STARD6: variants seen among roughly 807,000 people sequenced by gnomAD.
STARD6 encodes stAR-related lipid transfer protein 6.
A neutral mutation model predicts 22.3 loss-of-function variants in STARD6; 21 were observed. The observed-to-expected ratio is 0.94, with a 90% confidence interval of 0.67 to 1.35. The LOEUF (loss-of-function observed/expected upper bound fraction) is 1.35. Among genes scored for constraint, STARD6 ranks in the 40% most tolerant of loss-of-function variants. The pLI is 0.00. For missense variants in STARD6, 269 were observed against 266.9 expected, an observed-to-expected ratio of 1.01 and a Z score of -0.05; for synonymous variants, 80 against 88.1, an observed-to-expected ratio of 0.91 and a Z score of 0.52.
intron 4 of STARD6, among the ~76,000 whole-genome samples, chr18:54,345,762 T>A (rs1019080074): frequency 6.6e-6 from 1 of 152,120 alleles, no homozygotes; most frequent in African/African-American, 2.4e-5. Context: ...TAATTAAGCA[T>A]CCAAAGGAAA....
At chr18:54,337,733 T>G (rs980991606) in intron 4 of STARD6, among the ~76,000 whole-genome samples, 3 of 152,212 alleles carry the variant, frequency 2.0e-5, no homozygotes, top group African/African-American at 7.2e-5. Context: ...ACTGAAAAAC[T>G]TTGCCAACCC....
At chr18:54,346,937 A>C (rs190044433) in intron 4 of STARD6, among the ~76,000 whole-genome samples, 4 of 152,188 alleles carry the variant, frequency 2.6e-5, no homozygotes, top group African/African-American at 9.6e-5. Context: ...AGTAGGCACA[A>C]GTTTCTTTTT....
chr18:54,325,341 T>G (rs1412605491), intron 7 of STARD6, among the ~76,000 whole-genome samples: 3 of 152,154 alleles, frequency 2.0e-5, no homozygotes, highest in Non-Finnish European at 2.9e-5. Flanking sequence ...GAGATATTTT[T>G]CTGCAACTAG....
Position 54,331,839 on chromosome 18 carries a change from G to A in STARD6, c.288C>T (p.Thr96=). ...RIDSDTFICH[T]ITQSFAVGSI... ...AGCCCACGGCAAAACTTTGTGTAAT[G>A]GTATGACATATGAATGTGTCCTGCA... Residue 96 remains threonine (T), a synonymous_variant, in exon 6 of 8, where the codon ACC becomes ACT. Transcript: ENST00000307844. 1 of 1,610,762 alleles carries A rather than the reference G, an allele frequency of 6.2e-7. No homozygotes were observed. Among genetic ancestry groups the A allele is most frequent in the Non-Finnish European group, 8.5e-7 (1 of 1,177,472 alleles).
Position 54,329,389 on chromosome 18 carries a change from C to T in STARD6, c.437G>A (p.Gly146Asp). 1 of 1,605,502 alleles carries T rather than the reference C, an allele frequency of 6.2e-7. No individual in the cohort carries two copies. The highest frequency in any genetic ancestry group is 2.3e-5 in the East Asian group (1 of 44,186). Residue 146 changes from glycine (G) to aspartate (D), a missense_variant, in exon 7 of 8, where the codon GGT becomes GAT. Transcript: ENST00000307844. ...TACAAAGCCACAAGGATGGTTATAA[C>T]CGCGGATATAATTTGAAGATGGAGG... is the stretch of plus-strand genomic sequence containing the variant. ...EYPPSSNYIR[G>D]YNHPCGFVCS...
intron 5 of STARD6, among the ~76,000 whole-genome samples, chr18:54,334,494 C>T (rs1599298800): frequency 6.6e-6 from 1 of 152,162 alleles, no homozygotes; most frequent in East Asian, 1.9e-4. Flanking sequence ...AACCTCTCAC[C>T]TCTTAACCAC....
At chr18:54,340,011 C>T (rs971265484) in intron 4 of STARD6, among the ~76,000 whole-genome samples, 19 of 151,806 alleles carry the variant, frequency 1.3e-4, no homozygotes, top group Admixed American at 1.2e-3. Context: ...AACTCAAATC[C>T]ACAGAAACCA....
intron 4 of STARD6, 189 bp downstream of exon 4, chr18:54,353,865 G>A: frequency 2.6e-6 from 1 of 380,820 alleles, no homozygotes; most frequent in South Asian, 9.6e-5. Context: ...CATCAGATTT[G>A]AAAATAGAAG....
intron 4 of STARD6, among the ~76,000 whole-genome samples, chr18:54,339,526 C>T (rs1190047419): frequency 2.0e-5 from 3 of 148,662 alleles, no homozygotes; most frequent in East Asian, 3.9e-4. Flanking sequence ...ATAAGACTGA[C>T]AGCTGGCATG....
At chr18:54,343,389 C>T (rs1221010709) in intron 4 of STARD6, among the ~76,000 whole-genome samples, 10 of 141,624 alleles carry the variant, frequency 7.1e-5, no homozygotes, top group Admixed American at 2.0e-4. Flanking sequence ...GCCCCCCGCC[C>T]GGCCAGCCGT....
chr18:54,340,290 T>A (rs962727611), intron 4 of STARD6, among the ~76,000 whole-genome samples: 1 of 152,124 alleles, frequency 6.6e-6, no homozygotes, highest in Non-Finnish European at 1.5e-5. Flanking sequence ...TGGAACCATA[T>A]AGAAGTAAAG....
chr18:54,348,801 C>T (rs1465803270), intron 4 of STARD6, among the ~76,000 whole-genome samples: 1 of 152,172 alleles, frequency 6.6e-6, no homozygotes, highest in Non-Finnish European at 1.5e-5. Flanking sequence ...AGAACTGCTT[C>T]TCTTCCAGGC....
chr18:54,342,464 C>CGT (rs1198406387), intron 4 of STARD6, among the ~76,000 whole-genome samples: 1 of 106,938 alleles, frequency 9.4e-6, no homozygotes, highest in African/African-American at 4.8e-5. Context: ...TCTCCCTCTC[C>CGT]CTCCCTCTCC....
chr18:54,344,338 T>C lies in STARD6; in HGVS notation c.141-7087A>G, dbSNP rs1221359510. ...TCAGGGTTAAATGGATTAAGGGCGG[T>C]GCAAGATGTGCTTTGTTAAACAGAT... On this transcript the variant is annotated intron_variant, in intron 4 of 7. Coordinates refer to ENST00000307844, the MANE Select transcript of STARD6 (RefSeq NM_139171.2). Among the ~76,000 whole-genome samples the C allele has an allele frequency of 1.7e-4, 7 of 41,758 alleles. 1 individual carries two copies. The highest frequency in any genetic ancestry group is 3.1e-4 in the Non-Finnish European group (7 of 22,322). 27.4% of individuals were successfully genotyped at this position (41,758 alleles called of 152,430 possible). A position where few individuals can be genotyped will look rare whatever the true frequency, so the allele number is the denominator to read the frequency against.
chr18:54,349,573 G>C (rs377238731), intron 4 of STARD6, among the ~76,000 whole-genome samples: 1 of 152,084 alleles, frequency 6.6e-6, no homozygotes, highest in Non-Finnish European at 1.5e-5. Flanking sequence ...TTCTGTGGTG[G>C]TAATTTCTTG....
intron 4 of STARD6, among the ~76,000 whole-genome samples, chr18:54,344,630 T>A (rs1337914545): frequency 6.6e-6 from 1 of 150,382 alleles, no homozygotes; most frequent in Admixed American, 6.6e-5. Flanking sequence ...CAGTATCTCT[T>A]ATGTATATGC....
intron 4 of STARD6, among the ~76,000 whole-genome samples, chr18:54,349,903 G>A (rs549614639): frequency 6.6e-6 from 1 of 152,088 alleles, no homozygotes; most frequent in Non-Finnish European, 1.5e-5. Context: ...CCACTCATTG[G>A]TTCCATATAA....
chr18:54,345,691 G>A (rs1169426963), intron 4 of STARD6, among the ~76,000 whole-genome samples: 1 of 152,122 alleles, frequency 6.6e-6, no homozygotes, highest in Admixed American at 6.5e-5. Context: ...TTACTAAAAG[G>A]CTATAGTAGT....
chr18:54,337,175 T>C lies in STARD6; in HGVS notation c.217A>G (p.Thr73Ala), dbSNP rs752845873. The change falls in exon 5 of 8, where the codon ACA (threonine) becomes GCA (alanine). Residue 73 changes from threonine (T) to alanine (A), a missense_variant. Transcript: ENST00000307844. ...DFLYQTGDRI[T>A]WDKSLQVYNM... ...TACACTTGCAATGATTTATCCCATG[T>C]AATTCTGTCTCCAGTTTGGTAGAGG... 1.2e-6 allele frequency: 2 copies of C among 1,613,584 alleles called. No individual in the cohort carries two copies. The highest frequency in any genetic ancestry group is 2.2e-5 in the South Asian group (2 of 91,038).
Sources: gnomAD v4.1 joint callset for allele counts (sites outside exome capture counted in the v4.1 genomes callset) on GRCh38, gnomAD v4.1.1 for gene constraint, MANE v1.5 for transcripts, NCBI Gene and HGNC (gene_info 2026-07-23, HGNC 2026-07-21) for gene names.